Variants in FANCA observed in about 807,000 individuals in gnomAD.
FANCA encodes Fanconi anemia group A protein.
In FANCA, 236 loss-of-function variants were observed where a neutral mutation model predicts 194.3. The observed-to-expected ratio is 1.21, with a 90% CI of 1.09 to 1.35. The LOEUF (loss-of-function observed/expected upper bound fraction) is 1.35, where lower values mean the gene tolerates loss of function less well. FANCA is among the 40% of genes most tolerant of loss of function. FANCA has a pLI of 0.00. For missense variants in FANCA, 2,628 were observed against 1,813.9 expected (o/e 1.45, Z -8.15); for synonymous variants, 1,014 against 715.8 (o/e 1.42, Z -6.65).
intron 14 of FANCA, among the ~76,000 whole-genome samples, chr16:89,788,065 G>A (rs1023290876): frequency 2.6e-5 from 4 of 151,966 alleles, no homozygotes; most frequent in African/African-American, 9.7e-5. Flanking sequence ...TAGAGATAGG[G>A]TTTTGCCACG....
chr16:89,761,013 G>C (rs971082346), intron 29 of FANCA, among the ~76,000 whole-genome samples: 1 of 152,164 alleles, frequency 6.6e-6, no homozygotes, highest in Non-Finnish European at 1.5e-5. Flanking sequence ...GGTGCCATAT[G>C]GGCAGGCTTG....
intron 14 of FANCA, 79 bp from the exon 15 acceptor site, chr16:89,785,043 A>C (rs1456730726): frequency 9.8e-7 from 1 of 1,018,918 alleles, no homozygotes; most frequent in African/African-American, 1.6e-5. Context: ...TGTGGAGAGA[A>C]GAGCGTGAAG....
At chr16:89,814,903 T>C (rs1210819302) in intron 2 of FANCA, among the ~76,000 whole-genome samples, 2 of 151,580 alleles carry the variant, frequency 1.3e-5, no homozygotes, top group East Asian at 2.0e-4. Context: ...ATCACCCCAC[T>C]GCATACCAGC....
rs2151714594 is a variant in FANCA at position 89,739,998 on chromosome 16, C to T, written c.3930G>A (p.Glu1310=). ...ISWLALFQLT[E]SDLRLGRLLL... is the part of the protein sequence containing the mutation. ...CCTCAGCAGCGTGTTTCTTACCACT[C>T]TCTGTCAACTGAAAGAGTGCCAGCC... The change falls in exon 39 of 43, where the codon GAG becomes GAA. Residue 1310 remains glutamate (E), a synonymous_variant. Coordinates refer to ENST00000389301, the MANE Select transcript of FANCA (RefSeq NM_000135.4). 1 of 1,614,148 alleles carries T rather than the reference C, an allele frequency of 6.2e-7. No individual in the cohort carries two copies. Among genetic ancestry groups the T allele is most frequent in the Admixed American group, 1.7e-5 (1 of 60,020 alleles).
chr16:89,805,788 C>A (rs554010935), intron 6 of FANCA, among the ~76,000 whole-genome samples: 1 of 152,270 alleles, frequency 6.6e-6, no homozygotes, highest in South Asian at 2.1e-4. Flanking sequence ...TGTTAACTTT[C>A]AAATATTGTG....
At chr16:89,762,052 A>T in intron 28 of FANCA, 30 bp from the exon 29 acceptor site, 1 of 1,550,614 alleles carries the variant, frequency 6.4e-7, no homozygotes, top group Non-Finnish European at 8.9e-7. Context: ...ATTCAATACA[A>T]TGAGGACAGA....
chr16:89,799,312 G>C lies in FANCA; in HGVS notation c.827-80C>G. ...CAGAAACAATCCCCAGGCGCTTTCA[G>C]ACAACAGATCCACTTCAACCCCCCA... On this transcript the variant is annotated intron_variant, in intron 9 of 42. Transcript: ENST00000389301. 5 of 1,539,596 alleles carry C rather than the reference G, an allele frequency of 3.2e-6. No individual in the cohort carries two copies. The Admixed American group carries it at 8.8e-5, about 27-fold the overall frequency.
chr16:89,814,426 GA>G, intron 3 of FANCA, 93 bp downstream of exon 3: 2 of 999,832 alleles, frequency 2.0e-6, no homozygotes, highest in South Asian at 1.4e-5. Context: ...CATCGCCTGA[GA>G]AAATTTACAT....
chr16:89,764,567 C>T lies in FANCA; in HGVS notation c.2778+323G>A, dbSNP rs993409216. Among the ~76,000 whole-genome samples, 4 of 152,166 alleles carry T rather than the reference C, an allele frequency of 2.6e-5. No individual in the cohort carries two copies. In the South Asian group the frequency reaches 6.2e-4, roughly 24 times the overall value. ...GTGATCAACCCGCCTTGGCCTCCCA[C>T]AGTGCTGGGATCACAGGTGTGAGCA... On this transcript the variant is annotated intron_variant, in intron 28 of 42. Transcript: ENST00000389301.
intron 17 of FANCA, among the ~76,000 whole-genome samples, chr16:89,781,363 C>CA (rs775937692): frequency 0.099 from 5,788 of 58,480 alleles, 73 homozygotes; most frequent in Non-Finnish European, 0.12. Flanking sequence ...GACTCCATTC[C>CA]AAAAAAAAAA....
chr16:89,742,283 C>A (rs1169187217), intron 37 of FANCA, among the ~76,000 whole-genome samples: 1 of 151,902 alleles, frequency 6.6e-6, no homozygotes, highest in Admixed American at 6.6e-5. Context: ...GGACTACAGA[C>A]CCCCATCTCA....
intron 14 of FANCA, chr16:89,791,020 TG>T (rs1487839460): frequency 1.2e-5 from 3 of 245,870 alleles, no homozygotes; most frequent in East Asian, 1.0e-4. Context: ...TGTGTGTGTG[TG>T]TGTTTTTTTT....
chr16:89,805,314 G>C lies in FANCA; in HGVS notation c.675C>G (p.Cys225Trp). Residue 225 changes from cysteine (C) to tryptophan (W), a missense_variant, in exon 7 of 43, where the codon TGC becomes TGG. Transcript: ENST00000389301. ...TGGCCCTGGCGACGTCAGCATGCTG[G>C]CAGGATGCTTCCATCTGTTCACAAA... is the stretch of plus-strand genomic sequence containing the variant. ...CCLCEQMEAS[C>W]QHADVARAML... The C allele has an allele frequency of 6.2e-7, 1 of 1,613,974 alleles. No individual in the cohort carries two copies. Among genetic ancestry groups the C allele is most frequent in the Non-Finnish European group, 8.5e-7 (1 of 1,179,912 alleles).
chr16:89,761,351 G>A (rs1033534063), intron 29 of FANCA, among the ~76,000 whole-genome samples: 2 of 151,488 alleles, frequency 1.3e-5, no homozygotes, highest in East Asian at 2.0e-4. Context: ...CCCGGGAGGT[G>A]GAGGTTGCAG....
At chr16:89,759,949 C>T (rs2038895345) in intron 29 of FANCA, among the ~76,000 whole-genome samples, 1 of 151,922 alleles carries the variant, frequency 6.6e-6, no homozygotes, top group East Asian at 1.9e-4. Flanking sequence ...GTGCTCCACC[C>T]ACGCTGTGCG....
At chr16:89,812,611 A>G (rs913948338) in intron 3 of FANCA, among the ~76,000 whole-genome samples, 9 of 140,504 alleles carry the variant, frequency 6.4e-5, no homozygotes, top group Admixed American at 6.2e-4. Flanking sequence ...ACACCATTGC[A>G]CTCCAGCCTG....
intron 8 of FANCA, among the ~76,000 whole-genome samples, chr16:89,802,408 A>G (rs1429616478): frequency 4.0e-5 from 6 of 148,958 alleles, no homozygotes; most frequent in Non-Finnish European, 8.9e-5. Flanking sequence ...AACCTCAGCT[A>G]TTTTTTTCTT....
chr16:89,772,435 T>C (rs1362347084), intron 22 of FANCA, among the ~76,000 whole-genome samples: 2 of 152,190 alleles, frequency 1.3e-5, no homozygotes, highest in African/African-American at 2.4e-5. Context: ...ATTGCCTCCA[T>C]GCGGAGCTTG....
intron 41 of FANCA, 46 bp from the exon 42 acceptor site, chr16:89,739,020 A>C (rs773679037): frequency 1.2e-6 from 2 of 1,613,906 alleles, no homozygotes; most frequent in African/African-American, 2.7e-5. Context: ...ACATACAGAA[A>C]CAGGGCTGGT....
Sources: allele counts gnomAD v4.1 joint callset (sites outside exome capture counted in the v4.1 genomes callset), GRCh38; gene constraint gnomAD v4.1.1; transcripts MANE v1.5; gene names NCBI Gene and HGNC (gene_info 2026-07-23, HGNC 2026-07-21).